PLCG2: variants seen among roughly 807,000 people sequenced by gnomAD.
PLCG2 encodes 1-phosphatidylinositol 4,5-bisphosphate phosphodiesterase gamma-2.
PLCG2 carries 69 observed loss-of-function variants against 175.6 expected under a neutral mutation model. The observed-to-expected ratio is 0.39, with a 90% CI of 0.32 to 0.48. The LOEUF (loss-of-function observed/expected upper bound fraction) is 0.48. PLCG2 is among the 20% of genes least tolerant of loss of function. PLCG2 has a pLI of 0.91. For missense variants in PLCG2, 1,798 were observed against 1,650.9 expected (o/e 1.09, Z -1.54); for synonymous variants, 827 against 624.0 (o/e 1.33, Z -4.85).
intron 32 of PLCG2, 35 bp from the exon 33 acceptor site, chr16:81,957,921 G>T: frequency 6.2e-7 from 1 of 1,601,706 alleles, no homozygotes; most frequent in Non-Finnish European, 8.6e-7. Flanking sequence ...ATTTCTCATG[G>T]CCCACTGCTG....
chr16:81,935,998 A>G (rs1910694578), intron 26 of PLCG2, 171 bp from the exon 27 acceptor site: 2 of 985,240 alleles, frequency 2.0e-6, no homozygotes, highest in African/African-American at 3.5e-5. Context: ...CCCAGAGGGC[A>G]AGAGTCCACA....
chr16:81,861,474 G>C (rs1906976918), intron 5 of PLCG2, among the ~76,000 whole-genome samples: 1 of 152,196 alleles, frequency 6.6e-6, no homozygotes. Context: ...AGTAATGTTA[G>C]GTCAGCCATT....
intron 5 of PLCG2, 60 bp from the exon 6 acceptor site, chr16:81,869,154 C>A: frequency 7.7e-7 from 1 of 1,305,122 alleles, no homozygotes. Flanking sequence ...ATGGGAGCAG[C>A]TAAATCCTGT....
chr16:81,908,743 G>T, intron 17 of PLCG2, 152 bp downstream of exon 17: 1 of 643,768 alleles, frequency 1.6e-6, no homozygotes, highest in Non-Finnish European at 2.7e-6. Flanking sequence ...CGGGACAAGG[G>T]TGAGGTGGGT....
intron 18 of PLCG2, 137 bp downstream of exon 18, chr16:81,910,857 C>T (rs560965047): frequency 2.8e-5 from 22 of 774,632 alleles, no homozygotes; most frequent in Middle Eastern, 3.6e-4. Flanking sequence ...TCAAAATTGC[C>T]GAGGTGGCCA....
chr16:81,954,519 G>C (rs1257159732), intron 31 of PLCG2, among the ~76,000 whole-genome samples: 1 of 152,150 alleles, frequency 6.6e-6, no homozygotes, highest in Non-Finnish European at 1.5e-5. Flanking sequence ...ACTAGCCATG[G>C]TGTGTGTTGT....
chr16:81,743,112 G>C lies in PLCG2; in HGVS notation c.-145+3727G>C, dbSNP rs560321272. Among the ~76,000 whole-genome samples, 41 of 152,248 alleles carry C rather than the reference G, an allele frequency of 2.7e-4. No homozygotes were observed. The South Asian group carries it at 2.7e-3, about 10-fold the overall frequency. On this transcript the variant is annotated intron_variant, in intron 1 of 5. Coordinates refer to the PLCG2 transcript ENST00000565054. ...GCCCAGGAGTTTGAGACCAGCCTGG[G>C]CAACATAGTGAGTCTCTGTCTCTAC...
chr16:81,961,846 A>C lies in PLCG2; in HGVS notation c.*3848A>C. ...TTATAATGAGAAATTTTAGATGTCA[A>C]TATAGCAATGTGCAAGAAGATAGAG... On this transcript the variant is annotated 3_prime_UTR_variant, in exon 33 of 33. Transcript: ENST00000564138. 2 of 202,132 alleles carry C rather than the reference A, an allele frequency of 9.9e-6. No individual in the cohort carries two copies. The highest frequency in any genetic ancestry group is 2.0e-5 in the Non-Finnish European group (2 of 98,342). The allele number at this position is 202,132 out of a possible 1,614,324, so 12.5% of individuals were successfully genotyped here.
chr16:81,939,794 G>A (rs1320947225), intron 29 of PLCG2, 98 bp from the exon 30 acceptor site: 9 of 754,902 alleles, frequency 1.2e-5, no homozygotes, highest in African/African-American at 3.5e-5. Flanking sequence ...TTATTTACAT[G>A]GTTGCTAAGG....
At chr16:81,952,737 G>A (rs1352334711) in intron 31 of PLCG2, among the ~76,000 whole-genome samples, 1 of 152,214 alleles carries the variant, frequency 6.6e-6, no homozygotes, top group Non-Finnish European at 1.5e-5. Context: ...ATTAATAAAT[G>A]TAGAAGGAAT....
At chr16:81,934,400 G>A (rs372990360) in intron 25 of PLCG2, 29 bp from the exon 26 acceptor site, 65 of 1,371,896 alleles carry the variant, frequency 4.7e-5, no homozygotes, top group African/African-American at 8.6e-5. Flanking sequence ...TCTCGGGGGC[G>A]GGCACTAAAG....
chr16:81,905,807 G>A (rs920538294), intron 15 of PLCG2, among the ~76,000 whole-genome samples: 1 of 152,024 alleles, frequency 6.6e-6, no homozygotes, highest in Non-Finnish European at 1.5e-5. Flanking sequence ...CCACACGTGC[G>A]CACCACCATG....
chr16:81,743,693 GCTC>G (rs773290740), intron 1 of PLCG2, among the ~76,000 whole-genome samples: 1 of 152,198 alleles, frequency 6.6e-6, no homozygotes, highest in Non-Finnish European at 1.5e-5. Context: ...GCTATGCAGG[GCTC>G]CTGTGGGAGA....
At position 81,771,698 on chromosome 16, in the gene PLCG2, AC is replaced by A. The variant is rs202119979; in HGVS notation, c.-47-14244del. On this transcript the variant is annotated intron_variant, in intron 2 of 5. Transcript: ENST00000565054. ...CCCCCCAACCCCCCACCCAAAAAAA[AC>A]AACAACAAAAAAACTAAGTCCTAAA... Among the ~76,000 whole-genome samples, 8 of 148,860 alleles carry A rather than the reference AC, an allele frequency of 5.4e-5. 1 individual carries two copies. In the South Asian group the frequency reaches 6.3e-4, roughly 12 times the overall value.
At chr16:81,946,532 T>A (rs1457278411) in intron 31 of PLCG2, among the ~76,000 whole-genome samples, 1 of 152,088 alleles carries the variant, frequency 6.6e-6, no homozygotes, top group South Asian at 2.1e-4. Flanking sequence ...TCCCCATAGT[T>A]TCACTTCAGC....
intron 2 of PLCG2, among the ~76,000 whole-genome samples, chr16:81,838,807 A>ATATG (rs1905669005): frequency 7.0e-6 from 1 of 143,518 alleles, no homozygotes; most frequent in Non-Finnish European, 1.5e-5. Context: ...ATATATATAT[A>ATATG]TGTAAATAAC....
intron 1 of PLCG2, among the ~76,000 whole-genome samples, chr16:81,752,404 C>T (rs915288363): frequency 6.6e-6 from 1 of 152,214 alleles, no homozygotes; most frequent in Non-Finnish European, 1.5e-5. Flanking sequence ...TCTTTTAAGG[C>T]TCTCTCTTGC....
chr16:81,826,053 A>T (rs759949467), intron 2 of PLCG2, among the ~76,000 whole-genome samples: 2 of 152,150 alleles, frequency 1.3e-5, no homozygotes, highest in African/African-American at 2.4e-5. Context: ...TTCAAACTCA[A>T]CGTGTCCAAA....
Position 81,870,838 on chromosome 16 carries a change from T to C in PLCG2, c.565-14T>C, listed in dbSNP as rs767519328. On this transcript the variant is annotated splice_polypyrimidine_tract_variant and intron_variant, in intron 6 of 32. Coordinates refer to ENST00000564138, the MANE Select transcript of PLCG2 (RefSeq NM_002661.5). ...ACATCAAAAATCATGTGGTCACTTT[T>C]TTCATATTTACAGGAAATAGGAGCA... The C allele has an allele frequency of 6.6e-7, 1 of 1,509,148 alleles. No homozygotes were observed. The highest frequency in any genetic ancestry group is 1.2e-5 in the South Asian group (1 of 84,310). The allele number at this position is 1,509,148 out of a possible 1,614,324, so 93.5% of individuals were successfully genotyped here.
Sources: allele counts gnomAD v4.1 joint callset (sites outside exome capture counted in the v4.1 genomes callset), GRCh38; gene constraint gnomAD v4.1.1; transcripts MANE v1.5; gene names NCBI Gene and HGNC (gene_info 2026-07-23, HGNC 2026-07-21).